SULF2: variants seen among roughly 807,000 people sequenced by gnomAD.
The protein encoded by SULF2 is sulfatase 2.
Under a neutral mutation model 107.7 loss-of-function variants are expected in SULF2, and 52 were observed. The ratio of observed to expected loss-of-function variants is 0.48; its 90% CI spans 0.39 to 0.61. The LOEUF (loss-of-function observed/expected upper bound fraction) is 0.61, where lower values mean the gene tolerates loss of function less well. Ranked by LOEUF, SULF2 falls within the 20% of genes least tolerant of loss-of-function variation. The pLI, the probability that SULF2 is intolerant of heterozygous loss-of-function variation, is 0.00. For synonymous variants in SULF2, 460 were observed against 464.3 expected, an observed-to-expected ratio of 0.99 and a Z score of 0.12; for missense variants, 993 against 1,177.3, an observed-to-expected ratio of 0.84 and a Z score of 2.29.
chr20:47,713,202 C>T (rs1233389058), intron 3 of SULF2, among the ~76,000 whole-genome samples: 1 of 152,150 alleles, frequency 6.6e-6, no homozygotes, highest in African/African-American at 2.4e-5. Context: ...TGATTTTGCC[C>T]TGCAGGGGAC....
At chr20:47,701,478 C>A (rs2088566600) in intron 4 of SULF2, among the ~76,000 whole-genome samples, 1 of 152,204 alleles carries the variant, frequency 6.6e-6, no homozygotes, top group African/African-American at 2.4e-5. Context: ...ACAGAAAAAA[C>A]TACGACTGAG....
At chr20:47,698,096 G>A (rs1568829147) in intron 4 of SULF2, among the ~76,000 whole-genome samples, 1 of 152,364 alleles carries the variant, frequency 6.6e-6, no homozygotes, top group Middle Eastern at 3.4e-3. Context: ...ACTTGGGCCT[G>A]GACCCATCAG....
chr20:47,686,653 C>T (rs1461724653), intron 5 of SULF2, among the ~76,000 whole-genome samples: 1 of 152,184 alleles, frequency 6.6e-6, no homozygotes, highest in East Asian at 1.9e-4. Flanking sequence ...TGGCCTGGTA[C>T]GTCGGGACTT....
chr20:47,778,191 C>T (rs563381899), intron 1 of SULF2, among the ~76,000 whole-genome samples: 7 of 152,276 alleles, frequency 4.6e-5, no homozygotes, highest in Admixed American at 2.0e-4. Context: ...TCAAGTCACC[C>T]GCTGGGGTCC....
intron 3 of SULF2, among the ~76,000 whole-genome samples, chr20:47,731,183 T>TTTTTTTTTTTTTTG (rs1568871586): frequency 8.9e-6 from 1 of 112,490 alleles, no homozygotes; most frequent in Non-Finnish European, 1.8e-5. Context: ...CACCTGTATC[T>TTTTTTTTTTTTTTG]TCTCTTTTTT....
At chr20:47,704,714 G>A (rs1045456263) in intron 3 of SULF2, among the ~76,000 whole-genome samples, 3 of 152,220 alleles carry the variant, frequency 2.0e-5, no homozygotes, top group African/African-American at 7.2e-5. Context: ...GACGAGTATT[G>A]CTGAGAGCAC....
At chr20:47,695,115 C>T (rs1197780383) in intron 4 of SULF2, among the ~76,000 whole-genome samples, 1 of 152,236 alleles carries the variant, frequency 6.6e-6, no homozygotes, top group African/African-American at 2.4e-5. Context: ...TTAGACTCTG[C>T]AGGCCCCCTG....
chr20:47,782,133 T>G (rs2090844004), intron 1 of SULF2, among the ~76,000 whole-genome samples: 1 of 152,150 alleles, frequency 6.6e-6, no homozygotes. Context: ...TAACTGATAC[T>G]CCATTTGCAA....
intron 3 of SULF2, among the ~76,000 whole-genome samples, chr20:47,708,732 G>A (rs1409969157): frequency 6.6e-6 from 1 of 152,146 alleles, no homozygotes; most frequent in African/African-American, 2.4e-5. Context: ...TTGGGCCAAG[G>A]TCTTTCTGAT....
At chr20:47,786,221 GGAGGGCCATC>G, upstream of SULF2, 1 of 152,346 alleles carries the variant, frequency 6.6e-6, no homozygotes, top group Non-Finnish European at 1.5e-5. Context: ...GATAAATTCA[GGAGGGCCATC>G]GATCAGGTCC....
At chr20:47,689,358 T>C (rs2088120871) in intron 5 of SULF2, among the ~76,000 whole-genome samples, 1 of 151,398 alleles carries the variant, frequency 6.6e-6, no homozygotes, top group East Asian at 1.9e-4. Context: ...TGTGGCTTCC[T>C]TCTTGGCCTT....
intron 7 of SULF2, among the ~76,000 whole-genome samples, chr20:47,682,451 C>T (rs535925593): frequency 7.2e-5 from 11 of 152,342 alleles, no homozygotes; most frequent in African/African-American, 1.4e-4. Flanking sequence ...CTGCCCCAGA[C>T]GCAGCATGTT....
Position 47,680,004 on chromosome 20 carries a change from G to T in SULF2, c.1065-1200C>A, listed in dbSNP as rs1210310237. Among the ~76,000 whole-genome samples the T allele has an allele frequency of 1.3e-5, 2 of 152,204 alleles. No homozygotes were observed. The highest frequency in any genetic ancestry group is 2.9e-5 in the Non-Finnish European group (2 of 68,036). ...CTAAGCTGCAGGAAGGCTGGCTCAG[G>T]TGGTCACTTCTGTATCTCCAGGACT... On this transcript the variant is annotated intron_variant, in intron 7 of 20. Coordinates refer to ENST00000688720, the MANE Select transcript of SULF2 (RefSeq NM_001387048.1). This position sits in a 1 kb window ranked among gnomAD's most constrained non-coding sequence, Gnocchi z 4.2.
chr20:47,742,295 A>G (rs2089903719), intron 2 of SULF2, among the ~76,000 whole-genome samples: 1 of 152,224 alleles, frequency 6.6e-6, no homozygotes, highest in African/African-American at 2.4e-5. Context: ...CCACACAGAA[A>G]TGAAAAGGCC....
chr20:47,762,893 G>C (rs2090446526), intron 1 of SULF2, among the ~76,000 whole-genome samples: 1 of 152,216 alleles, frequency 6.6e-6, no homozygotes, highest in Non-Finnish European at 1.5e-5. Context: ...GAGAATAACA[G>C]GAGCTAATTA....
chr20:47,678,985 C>T lies in SULF2; in HGVS notation c.1065-181G>A, dbSNP rs2087737647. ...CCTCTGCGGCCCAGATTCAGCTGAA[C>T]CCCCACTCTGTGCTCGCCCCCCCTT... is the stretch of plus-strand genomic sequence containing the variant. On this transcript the variant is annotated intron_variant, in intron 7 of 20. Coordinates refer to ENST00000688720, the MANE Select transcript of SULF2 (RefSeq NM_001387048.1). The surrounding 1 kb of genome is among the most constrained non-coding windows in gnomAD (Gnocchi z 4.5). 1.4e-5 allele frequency among the ~76,000 whole-genome samples: 2 copies of T among 144,108 alleles called. No individual in the cohort carries two copies. Among genetic ancestry groups the T allele is most frequent in the Non-Finnish European group, 3.0e-5 (2 of 65,768 alleles). 94.5% of individuals were successfully genotyped at this position (144,108 alleles called of 152,430 possible). A position where few individuals can be genotyped will look rare whatever the true frequency, so the allele number is the denominator to read the frequency against.
chr20:47,697,453 C>T (rs992661663), intron 4 of SULF2, among the ~76,000 whole-genome samples: 2 of 152,224 alleles, frequency 1.3e-5, no homozygotes, highest in African/African-American at 4.8e-5. Flanking sequence ...CCAGAGGCAT[C>T]TTACTGCCTG....
intron 1 of SULF2, 52 bp from the exon 2 acceptor site, chr20:47,757,515 C>T (rs2146908175): frequency 1.2e-6 from 1 of 859,216 alleles, no homozygotes; most frequent in Non-Finnish European, 1.7e-6. Flanking sequence ...CTGCCGGCTG[C>T]TCATTCTTGC....
rs535062268 is a variant in SULF2 at position 47,702,373 on chromosome 20, C to T, written c.567+146G>A. The T allele has an allele frequency of 7.9e-6, 7 of 881,274 alleles. No homozygotes were observed. The East Asian group carries it at 1.9e-4, about 24-fold the overall frequency. The allele number at this position is 881,274 out of a possible 1,614,324, so 54.6% of individuals were successfully genotyped here. ...CTGTCCCTGGCTGAGAGATGAAAAA[C>T]TGAGGAGGAGGTGTATGTAAAATGC... On this transcript the variant is annotated intron_variant, in intron 4 of 20. Coordinates refer to ENST00000688720, the MANE Select transcript of SULF2 (RefSeq NM_001387048.1).
Sources: gnomAD v4.1 joint callset for allele counts (sites outside exome capture counted in the v4.1 genomes callset) on GRCh38, gnomAD v4.1.1 for gene constraint, Gnocchi (gnomAD v3.1) non-coding constraint, MANE v1.5 for transcripts, NCBI Gene and HGNC (gene_info 2026-07-23, HGNC 2026-07-21) for gene names.